Variants in LYST observed in about 807,000 individuals in gnomAD.
LYST encodes the protein lysosomal-trafficking regulator.
Under a neutral mutation model 413.6 loss-of-function variants are expected in LYST, and 192 were observed. The observed-to-expected ratio is 0.46, with a 90% CI of 0.41 to 0.52. The LOEUF (loss-of-function observed/expected upper bound fraction) is 0.52, where lower values mean the gene tolerates loss of function less well. Among genes scored for constraint, LYST ranks in the 20% least tolerant of loss-of-function variants. LYST has a pLI of 0.00. For missense variants in LYST, 3,815 were observed against 4,499.9 expected, an observed-to-expected ratio of 0.85 and a Z score of 4.35; for synonymous variants, 1,525 against 1,567.3, an observed-to-expected ratio of 0.97 and a Z score of 0.64.
At chr1:235,828,568 C>T (rs912073254) in intron 3 of LYST, 13 of 166,608 alleles carry the variant, frequency 7.8e-5, no homozygotes, top group African/African-American at 3.1e-4. Context: ...ATATAATGCT[C>T]CAATTATTTG....
intron 50 of LYST, among the ~76,000 whole-genome samples, chr1:235,673,445 C>A (rs921120425): frequency 2.0e-5 from 3 of 152,208 alleles, no homozygotes; most frequent in African/African-American, 7.2e-5. Context: ...CACTCTCTCC[C>A]CAATTTATGT....
In LYST at chr1:235,804,521, CATT is replaced by C. The variant is rs772050829; in HGVS notation, c.3535_3537del (p.Asn1179del). 11 of 1,613,566 alleles carry C rather than the reference CATT, an allele frequency of 6.8e-6. No homozygotes were observed. The South Asian group carries it at 1.1e-4, about 16-fold the overall frequency. On this transcript the variant is annotated inframe_deletion, in exon 7 of 53. Transcript: ENST00000389793. ...ATTCATACCTTCTCAGTCATAGCAT[CATT>C]ATGTTCAAAATCTGCTGAATAATTC...
chr1:235,687,927 C>T (rs1660344051), intron 47 of LYST, among the ~76,000 whole-genome samples: 1 of 152,178 alleles, frequency 6.6e-6, no homozygotes, highest in Non-Finnish European at 1.5e-5. Context: ...CTGGCTTCCC[C>T]CCTTGCACTA....
At position 235,749,463 on chromosome 1, in the gene LYST, A is replaced by G. The variant is rs1361594884; in HGVS notation, c.7780+1747T>C. Among the ~76,000 whole-genome samples the G allele has an allele frequency of 2.0e-5, 3 of 152,122 alleles. No individual in the cohort carries two copies. The East Asian group carries it at 5.8e-4, about 29-fold the overall frequency. On this transcript the variant is annotated intron_variant, in intron 28 of 52. Transcript: ENST00000389793. ...GAGAGAGAGAGATGGGTCCTAAGAG[A>G]TACCATAGACCTGGGATGAGTAGAT...
rs375154284 is a variant in LYST at position 235,766,142 on chromosome 1, G to A, written c.6058C>T (p.His2020Tyr). Reference protein sequence around the residue: ...TIIFNFLLAVHPPTNTYVCHN... With the variant: ...TIIFNFLLAVYPPTNTYVCHN... The stretch of plus-strand genomic sequence containing the variant: ...CAAACGTAAGTATTAGTAGGAGGGT[G>A]AACTGCTAAAAGGAAATTGAAGATA... The change falls in exon 21 of 53, where the codon CAC (histidine) becomes TAC (tyrosine). Residue 2020 changes from histidine (H) to tyrosine (Y), a missense_variant. Coordinates refer to ENST00000389793, the MANE Select transcript of LYST (RefSeq NM_000081.4). 9 of 1,613,194 alleles carry A rather than the reference G, an allele frequency of 5.6e-6. No individual in the cohort carries two copies. The Admixed American group carries it at 1.2e-4, about 21-fold the overall frequency.
At chr1:235,827,760 A>C in intron 3 of LYST, 1 of 945,910 alleles carries the variant, frequency 1.1e-6, no homozygotes, top group Non-Finnish European at 1.3e-6. Flanking sequence ...ACAGGAAAAA[A>C]ATATTTAACT....
intron 20 of LYST, among the ~76,000 whole-genome samples, 180 bp from the exon 21 acceptor site, chr1:235,766,457 CTT>C (rs1668163724): frequency 6.6e-6 from 1 of 152,110 alleles, no homozygotes; most frequent in Non-Finnish European, 1.5e-5. Flanking sequence ...TTCAAGCAAT[CTT>C]GTTATTAAAA....
chr1:235,855,595 A>G (rs1334612590), intron 1 of LYST, among the ~76,000 whole-genome samples: 1 of 152,198 alleles, frequency 6.6e-6, no homozygotes, highest in East Asian at 1.9e-4. Context: ...GAGGAATGCT[A>G]AAAACAGCTT....
At chr1:235,817,999 A>G (rs1209312220) in intron 3 of LYST, among the ~76,000 whole-genome samples, 3 of 152,104 alleles carry the variant, frequency 2.0e-5, no homozygotes, top group Non-Finnish European at 4.4e-5. Context: ...TTCTGTGATG[A>G]TTTTTTGAGA....
At chr1:235,703,466 C>G (rs2103103071) in intron 44 of LYST, among the ~76,000 whole-genome samples, 1 of 152,232 alleles carries the variant, frequency 6.6e-6, no homozygotes, top group Admixed American at 6.5e-5. Context: ...CACTAAGAAG[C>G]ATATTTTTTC....
chr1:235,787,391 A>T lies in LYST; in HGVS notation c.4689-18T>A, dbSNP rs764334824. The T allele has an allele frequency of 2.5e-6, 4 of 1,609,886 alleles. No homozygotes were observed. The highest frequency in any genetic ancestry group is 3.4e-6 in the Non-Finnish European group (4 of 1,176,484). ...TGCACACACTACAGAAAAAGAGAAA[A>T]GGCATAGGCTGAAAACATGAAAATT... On this transcript the variant is annotated intron_variant, in intron 13 of 52. Coordinates refer to ENST00000389793, the MANE Select transcript of LYST (RefSeq NM_000081.4).
At chr1:235,701,521 G>A (rs576931260) in intron 45 of LYST, among the ~76,000 whole-genome samples, 15 of 152,158 alleles carry the variant, frequency 9.9e-5, no homozygotes, top group Non-Finnish European at 1.5e-4. Context: ...CCAGCTACTC[G>A]GGAGGCTGAG....
At chr1:235,819,683 G>T (rs962341841) in intron 3 of LYST, among the ~76,000 whole-genome samples, 1 of 152,154 alleles carries the variant, frequency 6.6e-6, no homozygotes, top group Non-Finnish European at 1.5e-5. Flanking sequence ...GTCTCACTCT[G>T]CCACCCAGCT....
chr1:235,666,225 T>TACACACACAC (rs66890524), intron 50 of LYST, among the ~76,000 whole-genome samples: 4 of 136,012 alleles, frequency 2.9e-5, no homozygotes, highest in East Asian at 2.3e-4. Context: ...AGTATGTACA[T>TACACACACAC]ACACACACAC....
chr1:235,883,419 T>C (rs1681462005), exon 1 of LYST: 1 of 152,490 alleles, frequency 6.6e-6, no homozygotes, highest in South Asian at 2.1e-4. Flanking sequence ...CCCCATTAGA[T>C]GGCAAGGGAA....
intron 10 of LYST, among the ~76,000 whole-genome samples, chr1:235,798,974 A>T (rs537318706): frequency 6.6e-6 from 1 of 152,306 alleles, no homozygotes; most frequent in South Asian, 2.1e-4. Flanking sequence ...TGAACTATAC[A>T]CTTTAAATAG....
At position 235,677,195 on chromosome 1, in the gene LYST, GA is replaced by G; in HGVS notation, c.10941-8del. On this transcript the variant is annotated splice_region_variant and splice_polypyrimidine_tract_variant and intron_variant, in intron 49 of 52. Transcript: ENST00000389793. ...ACTTTGTACATAGCATAACCTGAAA[GA>G]AAAAAGACATGAATTTGTATATGAT... 6.3e-7 allele frequency: 1 copy of G among 1,587,838 alleles called. No individual in the cohort carries two copies. The highest frequency in any genetic ancestry group is 2.2e-5 in the East Asian group (1 of 44,756).
intron 3 of LYST, among the ~76,000 whole-genome samples, chr1:235,816,979 A>T (rs1419737917): frequency 5.3e-5 from 8 of 152,216 alleles, no homozygotes; most frequent in Admixed American, 5.2e-4. Flanking sequence ...TATCTGACAA[A>T]GGTCTAATAT....
At chr1:235,879,850 C>T (rs953849507) in intron 1 of LYST, among the ~76,000 whole-genome samples, 1 of 152,158 alleles carries the variant, frequency 6.6e-6, no homozygotes, top group Non-Finnish European at 1.5e-5. Context: ...CATTCTCCTG[C>T]CTTAGCCTCC....
Sources: allele counts gnomAD v4.1 joint callset (sites outside exome capture counted in the v4.1 genomes callset), GRCh38; gene constraint gnomAD v4.1.1; transcripts MANE v1.5; gene names NCBI Gene and HGNC (gene_info 2026-07-23, HGNC 2026-07-21).